The following ENOSF1 variants were observed in gnomAD, a reference collection of about 807,000 sequenced individuals.
ENOSF1 encodes the protein mitochondrial enolase superfamily member 1.
In ENOSF1, 73 loss-of-function variants were observed where a neutral mutation model predicts 68.2. That is an observed-to-expected ratio of 1.07 (90% confidence interval 0.89 to 1.30). The LOEUF is 1.30. Among genes scored for constraint, ENOSF1 ranks in the 50% most tolerant of loss-of-function variants. ENOSF1 has a pLI of 0.00. For synonymous variants in ENOSF1, 223 were observed against 210.4 expected, an observed-to-expected ratio of 1.06 and a Z score of -0.52; for missense variants, 589 against 554.5, an observed-to-expected ratio of 1.06 and a Z score of -0.62.
intron 1 of ENOSF1, among the ~76,000 whole-genome samples, chr18:711,277 CTT>C (rs2079508790): frequency 6.6e-6 from 1 of 152,120 alleles, no homozygotes; most frequent in Non-Finnish European, 1.5e-5. Flanking sequence ...CATTTAATAA[CTT>C]TAACGAGAGA....
At chr18:697,995 T>A (rs913436660) in intron 2 of ENOSF1, among the ~76,000 whole-genome samples, 1 of 152,184 alleles carries the variant, frequency 6.6e-6, no homozygotes, top group Non-Finnish European at 1.5e-5. Flanking sequence ...AGTTTCGACA[T>A]GCTGCCCAGG....
chr18:666,550 G>T (rs1049667338), downstream of ENOSF1, among the ~76,000 whole-genome samples: 6 of 152,194 alleles, frequency 3.9e-5, no homozygotes, highest in African/African-American at 4.8e-5. Flanking sequence ...GGGTTTGTGT[G>T]TGCAATTTAC....
intron 5 of ENOSF1, chr18:692,066 C>A (rs2847333): frequency 0.019 from 2,951 of 152,310 alleles, 46 homozygotes; most frequent in Non-Finnish European, 0.029. Flanking sequence ...TCTTCTCCTG[C>A]CAAATGGGGA....
At chr18:690,686 G>A in intron 7 of ENOSF1, 55 bp from the exon 8 acceptor site, 1 of 1,206,044 alleles carries the variant, frequency 8.3e-7, no homozygotes, top group South Asian at 1.5e-5. Context: ...CTTCGGAATT[G>A]GAAGTGCCTG....
intron 7 of ENOSF1, 172 bp downstream of exon 7, chr18:690,896 A>T (rs1174437763): frequency 8.3e-7 from 1 of 1,209,510 alleles, no homozygotes; most frequent in Non-Finnish European, 1.1e-6. Flanking sequence ...CAAACTCTGC[A>T]GTCAGAGGTC....
At chr18:693,584 C>T (rs971185632) in intron 5 of ENOSF1, 5 of 985,418 alleles carry the variant, frequency 5.1e-6, no homozygotes, top group Non-Finnish European at 6.0e-6. Context: ...GGATGATCCT[C>T]TTGTCATAGT....
intron 11 of ENOSF1, 81 bp downstream of exon 11, chr18:683,165 A>G: frequency 1.3e-6 from 2 of 1,535,390 alleles, no homozygotes; most frequent in South Asian, 2.4e-5. Context: ...ACAAGTGAAG[A>G]AATTTTAGGA....
At chr18:709,764 TGTCTAA>T in intron 1 of ENOSF1, among the ~76,000 whole-genome samples, 1 of 151,694 alleles carries the variant, frequency 6.6e-6, no homozygotes, top group East Asian at 1.9e-4. Context: ...AGCGAGACTC[TGTCTAA>T]AAAAAAAAAG....
intron 14 of ENOSF1, among the ~76,000 whole-genome samples, chr18:677,093 T>G (rs1203388314): frequency 6.6e-6 from 1 of 152,216 alleles, no homozygotes; most frequent in African/African-American, 2.4e-5. Flanking sequence ...AAGGGAGTAG[T>G]GTGGCTGCAA....
chr18:684,273 C>T (rs188731332), intron 10 of ENOSF1, among the ~76,000 whole-genome samples: 2 of 151,998 alleles, frequency 1.3e-5, no homozygotes, highest in Admixed American at 6.6e-5. Flanking sequence ...GGGATTACAG[C>T]CATGAGCCAC....
rs1555673646 is a variant in ENOSF1 at position 706,801 on chromosome 18, G to GTA, written c.85-225_85-224dup. On this transcript the variant is annotated intron_variant, in intron 1 of 15. Transcript: ENST00000647584. Reference sequence around the variant, plus strand: ...AAATGTTTCAACAAGAGCAATGTATGTATATATATATATATTTTTTTTTTT... The same window carrying GTA: ...AAATGTTTCAACAAGAGCAATGTATGTATATATATATATATATTTTTTTTTTT... 2.3e-3 allele frequency: 353 copies of GTA among 151,202 alleles called. 1 individual carries two copies. The highest frequency in any genetic ancestry group is 8.4e-3 in the African/African-American group (293 of 34,972). 9.4% of individuals were successfully genotyped at this position (151,202 alleles called of 1,614,324 possible).
At position 671,690 on chromosome 18, in the gene ENOSF1, GA is replaced by G; in HGVS notation, c.*2614del. On this transcript the variant is annotated 3_prime_UTR_variant, in exon 16 of 16. Coordinates refer to ENST00000647584, the MANE Select transcript of ENOSF1 (RefSeq NM_017512.7). The stretch of plus-strand genomic sequence containing the variant: ...GTACTAAGCACCAGTACCAGAGAGG[GA>G]AGAGCCACATTCAAGCCAGGGGATT... The G allele has an allele frequency of 1.9e-6, 1 of 523,448 alleles. No homozygotes were observed. Among genetic ancestry groups the G allele is most frequent in the Non-Finnish European group, 3.3e-6 (1 of 301,050 alleles). The allele number at this position is 523,448 out of a possible 1,614,324, so 32.4% of individuals were successfully genotyped here. A position where few individuals can be genotyped will look rare whatever the true frequency, so the allele number is the denominator to read the frequency against.
At chr18:699,961 T>C (rs1217320471) in intron 2 of ENOSF1, among the ~76,000 whole-genome samples, 3 of 152,164 alleles carry the variant, frequency 2.0e-5, no homozygotes, top group African/African-American at 2.4e-5. Context: ...GTGCCTGTAA[T>C]CCCAGCTACT....
In ENOSF1 at chr18:686,126, C is replaced by A; in HGVS notation, c.654-118G>T. The A allele has an allele frequency of 4.0e-6, 3 of 741,952 alleles. No homozygotes were observed. In the South Asian group the frequency reaches 4.6e-5, roughly 11 times the overall value. 46.0% of individuals were successfully genotyped at this position (741,952 alleles called of 1,614,324 possible). ...AATTCACAGATATGTTTTTTAGTAACCTCTTGCTCTTTCCTCATCTTCAGA... is the reference window on the plus strand; with the variant it reads ...AATTCACAGATATGTTTTTTAGTAAACTCTTGCTCTTTCCTCATCTTCAGA... On this transcript the variant is annotated intron_variant, in intron 9 of 15. Coordinates refer to ENST00000647584, the MANE Select transcript of ENOSF1 (RefSeq NM_017512.7).
chr18:694,302 C>A lies in ENOSF1; in HGVS notation c.342G>T (p.Ala114=). 2 of 1,614,140 alleles carry A rather than the reference C, an allele frequency of 1.2e-6. No homozygotes were observed. The highest frequency in any genetic ancestry group is 1.7e-6 in the Non-Finnish European group (2 of 1,180,036). ...ACACCGCGTTTAGGACGGCCGCTGT[C>A]GCCAGGTGCACCACGCCCTTTTCTG... ...IGPEKGVVHL[A]TAAVLNAVWD... Residue 114 remains alanine, a synonymous_variant, in exon 4 of 16, where the codon GCG becomes GCT. Transcript: ENST00000647584.
At chr18:680,215 C>T (rs1293348420) in intron 11 of ENOSF1, among the ~76,000 whole-genome samples, 2 of 152,202 alleles carry the variant, frequency 1.3e-5, no homozygotes, top group Admixed American at 1.3e-4. Flanking sequence ...CTTGGGCAAG[C>T]CCCGCCTGTG....
intron 3 of ENOSF1, 27 bp downstream of exon 3, chr18:697,212 TA>T: frequency 6.7e-7 from 1 of 1,486,772 alleles, no homozygotes; most frequent in Non-Finnish European, 9.4e-7. Flanking sequence ...ATTACTTATG[TA>T]AGCATTTTAC....
intron 2 of ENOSF1, among the ~76,000 whole-genome samples, chr18:704,758 AC>A (rs2078755424): frequency 6.6e-6 from 1 of 151,910 alleles, no homozygotes; most frequent in Non-Finnish European, 1.5e-5. Flanking sequence ...GCCATGCATC[AC>A]CACGGCCAGG....
At chr18:708,153 G>A (rs1049234194) in intron 1 of ENOSF1, among the ~76,000 whole-genome samples, 5 of 150,128 alleles carry the variant, frequency 3.3e-5, no homozygotes, top group South Asian at 2.3e-4. Flanking sequence ...GAGCCACCAC[G>A]CCCGGCCACA....
Sources: gnomAD v4.1 joint callset for allele counts (sites outside exome capture counted in the v4.1 genomes callset) on GRCh38, gnomAD v4.1.1 for gene constraint, MANE v1.5 for transcripts, NCBI Gene and HGNC (gene_info 2026-07-23, HGNC 2026-07-21) for gene names.